Variants in SLIT3 observed in about 807,000 individuals in gnomAD.
SLIT3 encodes slit guidance ligand 3.
In SLIT3, 68 loss-of-function variants were observed where a neutral mutation model predicts 184.0. That is an observed-to-expected ratio of 0.37 (90% confidence interval 0.30 to 0.45). SLIT3 has a LOEUF of 0.45. Ranked by LOEUF, SLIT3 falls within the 20% of genes least tolerant of loss-of-function variation. The pLI is 1.00. For missense variants in SLIT3, 1,707 were observed against 2,026.0 expected (o/e 0.84, Z 3.02); for synonymous variants, 831 against 828.6 (o/e 1.00, Z -0.05).
chr5:168,993,697 A>G (rs1755411349), intron 4 of SLIT3, among the ~76,000 whole-genome samples: 1 of 152,154 alleles, frequency 6.6e-6, no homozygotes, highest in South Asian at 2.1e-4. Flanking sequence ...CTCCTGACTA[A>G]ATGATGATAG....
At position 168,666,168 on chromosome 5, in the gene SLIT3, AACACAACAAAT is replaced by A. The variant is rs1308668124; in HGVS notation, c.*275_*285del. ...AAATTTTTAAACAGCTATTTTTAAA[AACACAACAAAT>A]ACACAACACAAAACTTGGTAAAAAT... On this transcript the variant is annotated 3_prime_UTR_variant, in exon 36 of 36. Transcript: ENST00000519560. The A allele has an allele frequency of 7.6e-6, 2 of 263,766 alleles. No homozygotes were observed. The highest frequency in any genetic ancestry group is 2.2e-5 in the African/African-American group (1 of 45,576). The allele number at this position is 263,766 out of a possible 1,614,324, so 16.3% of individuals were successfully genotyped here.
chr5:168,731,929 A>C (rs1446063484), intron 20 of SLIT3, among the ~76,000 whole-genome samples: 1 of 152,152 alleles, frequency 6.6e-6, no homozygotes. Context: ...TATTCAGTGT[A>C]GTATTGGAAG....
At chr5:169,256,265 C>T (rs570722544) in intron 1 of SLIT3, among the ~76,000 whole-genome samples, 3 of 152,218 alleles carry the variant, frequency 2.0e-5, no homozygotes, top group South Asian at 2.1e-4. Flanking sequence ...GACTGGGCAA[C>T]ATAGCAAGAC....
intron 1 of SLIT3, among the ~76,000 whole-genome samples, chr5:169,288,459 C>T (rs1250141715): frequency 2.0e-5 from 3 of 152,020 alleles, no homozygotes; most frequent in African/African-American, 7.2e-5. Context: ...ATCAATGATT[C>T]CTGAGGGTTT....
At chr5:169,234,543 A>G (rs973969349) in intron 3 of SLIT3, among the ~76,000 whole-genome samples, 3 of 152,098 alleles carry the variant, frequency 2.0e-5, no homozygotes, top group African/African-American at 7.2e-5. Context: ...AGCTGGGACT[A>G]CAGGCGTGTG....
chr5:169,030,147 T>C (rs548725180), intron 4 of SLIT3, among the ~76,000 whole-genome samples: 2 of 152,324 alleles, frequency 1.3e-5, no homozygotes, highest in East Asian at 3.9e-4. Context: ...CTGCTATTAT[T>C]TAAGTCATTC....
intron 32 of SLIT3, among the ~76,000 whole-genome samples, chr5:168,681,476 C>A (rs991112070): frequency 2.0e-5 from 3 of 152,202 alleles, no homozygotes. Flanking sequence ...GGATTGGAAA[C>A]TGAATGAAGG....
chr5:168,846,133 C>T lies in SLIT3; in HGVS notation c.486-1478G>A, dbSNP rs114242753. ...CAAATAAAACGCAATAGAGTGATAC[C>T]GTGCATTACAACAGACAGACTCTGT... is the stretch of plus-strand genomic sequence containing the variant. On this transcript the variant is annotated intron_variant, in intron 5 of 35. Transcript: ENST00000519560. 6.6e-3 allele frequency among the ~76,000 whole-genome samples: 1,004 copies of T among 152,256 alleles called. 11 individuals are homozygous for T. The highest frequency in any genetic ancestry group is 0.023 in the African/African-American group (956 of 41,532).
At chr5:168,776,912 G>T (rs1391605629) in intron 12 of SLIT3, among the ~76,000 whole-genome samples, 1 of 152,022 alleles carries the variant, frequency 6.6e-6, no homozygotes, top group East Asian at 1.9e-4. Flanking sequence ...ACATCATCTT[G>T]TCAAGAAACA....
chr5:169,255,283 G>GA (rs1210282921), intron 1 of SLIT3, among the ~76,000 whole-genome samples: 1 of 152,148 alleles, frequency 6.6e-6, no homozygotes, highest in Non-Finnish European at 1.5e-5. Context: ...TGTCCTTGAG[G>GA]AGGTATTCCA....
chr5:168,977,742 C>CTT (rs879716236), intron 4 of SLIT3, among the ~76,000 whole-genome samples: 1 of 148,796 alleles, frequency 6.7e-6, no homozygotes, highest in African/African-American at 2.5e-5. Flanking sequence ...TCAATAAATG[C>CTT]TTTTTTTTTT....
At chr5:168,776,634 A>G (rs2113548667) in intron 12 of SLIT3, among the ~76,000 whole-genome samples, 1 of 152,204 alleles carries the variant, frequency 6.6e-6, no homozygotes, top group African/African-American at 2.4e-5. Context: ...TACCCATCCT[A>G]TCGGTCTATA....
chr5:168,893,366 C>A (rs1284881479), intron 4 of SLIT3, among the ~76,000 whole-genome samples: 1 of 152,174 alleles, frequency 6.6e-6, no homozygotes, highest in Non-Finnish European at 1.5e-5. Flanking sequence ...GGTCCCCACC[C>A]CCTCTGTCCC....
intron 5 of SLIT3, among the ~76,000 whole-genome samples, chr5:168,856,806 T>TGTGTGTGTGTGCGCGCGCGCGC (rs374432432): frequency 1.5e-5 from 2 of 137,740 alleles, no homozygotes; most frequent in Admixed American, 1.4e-4. Flanking sequence ...TGTGTGTGTG[T>TGTGTGTGTGTGCGCGCGCGCGC]GCGCGCGCGC....
intron 4 of SLIT3, among the ~76,000 whole-genome samples, chr5:169,014,172 C>T (rs1756274959): frequency 6.6e-6 from 1 of 152,122 alleles, no homozygotes. Context: ...TTATGACACA[C>T]TCATGGAGTG....
At chr5:169,254,637 G>A (rs977014492) in intron 1 of SLIT3, among the ~76,000 whole-genome samples, 2 of 152,160 alleles carry the variant, frequency 1.3e-5, no homozygotes, top group African/African-American at 4.8e-5. Context: ...GGCAATAGGG[G>A]AGGGGCTTGC....
chr5:168,722,049 A>C (rs1241014096), intron 23 of SLIT3, among the ~76,000 whole-genome samples: 2 of 152,164 alleles, frequency 1.3e-5, no homozygotes, highest in African/African-American at 4.8e-5. Flanking sequence ...TCAAGGTTCC[A>C]CAGTGGTAGT....
intron 14 of SLIT3, among the ~76,000 whole-genome samples, chr5:168,771,178 C>T (rs955783761): frequency 1.3e-5 from 2 of 152,088 alleles, no homozygotes; most frequent in Admixed American, 1.3e-4. Flanking sequence ...GGAATAGAGG[C>T]CAAGGTTGGC....
intron 4 of SLIT3, among the ~76,000 whole-genome samples, chr5:169,080,333 A>G (rs1327608586): frequency 6.6e-6 from 1 of 152,218 alleles, no homozygotes; most frequent in Admixed American, 6.5e-5. Flanking sequence ...TTTAGCAGGT[A>G]TTGAGCCTTT....
Sources: allele counts gnomAD v4.1 joint callset (sites outside exome capture counted in the v4.1 genomes callset), GRCh38; gene constraint gnomAD v4.1.1; transcripts MANE v1.5; gene names NCBI Gene and HGNC (gene_info 2026-07-23, HGNC 2026-07-21).